The following GNA15 variants were observed in gnomAD, a reference collection of about 807,000 sequenced individuals.
GNA15 encodes the protein guanine nucleotide-binding protein subunit alpha-15.
GNA15 carries 23 observed loss-of-function variants against 40.1 expected under a neutral mutation model. The observed-to-expected ratio is 0.57, with a 90% CI of 0.41 to 0.81. The LOEUF (loss-of-function observed/expected upper bound fraction) is 0.81. GNA15 is among the 40% of genes least tolerant of loss of function. The pLI is 0.00. For missense variants in GNA15, 522 were observed against 515.8 expected, an observed-to-expected ratio of 1.01 and a Z score of -0.12; for synonymous variants, 226 against 210.4, an observed-to-expected ratio of 1.07 and a Z score of -0.64.
chr19:3,157,598 C>T, intron 5 of GNA15, 130 bp from the exon 6 acceptor site: 1 of 748,674 alleles, frequency 1.3e-6, no homozygotes, highest in Non-Finnish European at 2.2e-6. Context: ...GGCACACCCG[C>T]CTCAGCCCCA....
At chr19:3,162,739 C>T (rs552909783) in intron 6 of GNA15, 54 bp from the exon 7 acceptor site, 19 of 1,232,310 alleles carry the variant, frequency 1.5e-5, no homozygotes, top group Non-Finnish European at 2.3e-5. Flanking sequence ...CTCCAGAGGC[C>T]CCCTGGGTCC....
chr19:3,136,610 G>A lies in GNA15; in HGVS notation c.145+15G>A, dbSNP rs1201617137. On this transcript the variant is annotated intron_variant, in intron 1 of 6. Transcript: ENST00000262958. This position sits in a 1 kb window ranked among gnomAD's most constrained non-coding sequence, Gnocchi z 4.9. ...GCTGCTTTTGGGTGAGTCCAGGGTC[G>A]GTGGGCGGTGGGTGGTGGGCAGTGG... is the stretch of plus-strand genomic sequence containing the variant. The A allele has an allele frequency of 8.4e-6, 13 of 1,546,974 alleles. No individual in the cohort carries two copies. Among genetic ancestry groups the A allele is most frequent in the South Asian group, 2.4e-5 (2 of 83,894 alleles).
At chr19:3,143,571 G>A (rs926075563) in intron 1 of GNA15, among the ~76,000 whole-genome samples, 4 of 152,058 alleles carry the variant, frequency 2.6e-5, no homozygotes, top group African/African-American at 7.2e-5. Context: ...AGAATCGCTT[G>A]AAACCCATGA....
intron 5 of GNA15, among the ~76,000 whole-genome samples, chr19:3,156,384 A>G (rs1476405958): frequency 1.3e-5 from 2 of 151,698 alleles, no homozygotes; most frequent in Admixed American, 1.3e-4. Context: ...ACTCACGTGC[A>G]CAATACACGC....
intron 6 of GNA15, among the ~76,000 whole-genome samples, chr19:3,158,140 T>G (rs1915071922): frequency 6.6e-6 from 1 of 152,146 alleles, no homozygotes; most frequent in African/African-American, 2.4e-5. Context: ...CACGTACACC[T>G]TAAACATTTT....
At position 3,162,590 on chromosome 19, in the gene GNA15, G is replaced by C. The variant is rs1915163557; in HGVS notation, c.899-203G>C. On this transcript the variant is annotated intron_variant, in intron 6 of 6. Transcript: ENST00000262958. ...GTCCATTTCAGGTCACATGACTCGTGTGAGACAATCTCCTGTGTTCCCATT... is the reference window on the plus strand; with the variant it reads ...GTCCATTTCAGGTCACATGACTCGTCTGAGACAATCTCCTGTGTTCCCATT... Among the ~76,000 whole-genome samples the C allele has an allele frequency of 2.6e-5, 4 of 152,210 alleles. No homozygotes were observed. In the South Asian group the frequency reaches 6.2e-4, roughly 24 times the overall value.
In GNA15 at chr19:3,155,944, A is replaced by C. The variant is rs1443850109; in HGVS notation, c.736A>C (p.Asn246His). The C allele has an allele frequency of 6.2e-7, 1 of 1,613,550 alleles. No individual in the cohort carries two copies. Among genetic ancestry groups the C allele is most frequent in the African/African-American group, 1.3e-5 (1 of 74,854 alleles). The change falls in exon 5 of 7, where the codon AAC becomes CAC. Residue 246 changes from asparagine to histidine, a missense_variant. Asn to His is a moderately conservative substitution (Grantham distance 68). Coordinates refer to ENST00000262958, the MANE Select transcript of GNA15 (RefSeq NM_002068.4). The surrounding 1 kb of genome is among the most constrained non-coding windows in gnomAD (Gnocchi z 5.6). Reference sequence around the variant, plus strand: ...ATACGACCAGTGCCTGGAGGAGAACAACCAGGAGGTGCGCCACCGCCTCCC... The same window carrying C: ...ATACGACCAGTGCCTGGAGGAGAACCACCAGGAGGTGCGCCACCGCCTCCC... ...SEYDQCLEEN[N>H]QENRMKESLA...
intron 6 of GNA15, among the ~76,000 whole-genome samples, chr19:3,161,645 T>C (rs1167954996): frequency 6.6e-6 from 1 of 152,168 alleles, no homozygotes; most frequent in Non-Finnish European, 1.5e-5. Flanking sequence ...ATAAGGTAGA[T>C]ATTTTTTTCA....
In GNA15 at chr19:3,148,624, A is replaced by G. The variant is rs1914791565; in HGVS notation, c.179A>G (p.Lys60Arg). 3.8e-6 allele frequency: 6 copies of G among 1,587,262 alleles called. No homozygotes were observed. The highest frequency in any genetic ancestry group is 5.1e-6 in the Non-Finnish European group (6 of 1,166,574). The change falls in exon 2 of 7, where the codon AAG becomes AGG. Residue 60 changes from lysine (K) to arginine (R), a missense_variant. Physicochemically the swap from Lys to Arg is conservative, Grantham distance 26. Transcript: ENST00000262958. The stretch of plus-strand genomic sequence containing the variant: ...GAGAGCGGGAAGAGCACCTTCATCA[A>G]GCAGATGCGGATCATCCACGGCGCC... ...PGESGKSTFI[K>R]QMRIIHGAGY...
chr19:3,146,172 C>A (rs767329398), intron 1 of GNA15, among the ~76,000 whole-genome samples: 2 of 152,174 alleles, frequency 1.3e-5, no homozygotes, highest in Non-Finnish European at 2.9e-5. Flanking sequence ...CCTCTGCACG[C>A]CAACCCTGGA....
intron 1 of GNA15, among the ~76,000 whole-genome samples, chr19:3,147,743 C>T (rs1232511771): frequency 3.3e-5 from 5 of 150,872 alleles, no homozygotes; most frequent in African/African-American, 1.2e-4. Context: ...AAAAATTAGC[C>T]GGGCGTGGTG....
intron 1 of GNA15, among the ~76,000 whole-genome samples, chr19:3,139,317 T>C (rs1052105123): frequency 1.3e-5 from 2 of 152,096 alleles, no homozygotes; most frequent in Non-Finnish European, 2.9e-5. Context: ...CAGGGCATAG[T>C]GGTTCATTCC....
chr19:3,157,428 C>T (rs1915054499), intron 5 of GNA15, among the ~76,000 whole-genome samples: 6 of 152,170 alleles, frequency 3.9e-5, no homozygotes. Context: ...TGCCTATAAC[C>T]CCAGCACGCT....
chr19:3,159,509 C>T (rs989141219), intron 6 of GNA15, among the ~76,000 whole-genome samples: 11 of 151,858 alleles, frequency 7.2e-5, no homozygotes, highest in Non-Finnish European at 1.5e-4. Context: ...ACCACCCCGG[C>T]TAATTTTGTG....
chr19:3,152,597 C>T (rs1204333835), intron 4 of GNA15, among the ~76,000 whole-genome samples: 1 of 152,018 alleles, frequency 6.6e-6, no homozygotes. Context: ...GAGCAATGGC[C>T]AATGTCAAAG....
chr19:3,143,449 C>T (rs369569454), intron 1 of GNA15, among the ~76,000 whole-genome samples: 9 of 151,914 alleles, frequency 5.9e-5, no homozygotes, highest in South Asian at 4.2e-4. Flanking sequence ...GCCAGGAGTT[C>T]GAGACCAGCC....
In GNA15 at chr19:3,157,739, G is replaced by A. The variant is rs748433885; in HGVS notation, c.756G>A (p.Lys252=). The change falls in exon 6 of 7, where the codon AAG becomes AAA. Residue 252 remains lysine, a synonymous_variant. Coordinates refer to ENST00000262958, the MANE Select transcript of GNA15 (RefSeq NM_002068.4). ...TGCCCCCAACACAGAACCGCATGAA[G>A]GAGAGCCTCGCATTGTTTGGGACTA... ...LEENNQENRM[K]ESLALFGTIL... 40 of 1,614,030 alleles carry A rather than the reference G, an allele frequency of 2.5e-5. No homozygotes were observed. Among genetic ancestry groups the A allele is most frequent in the Non-Finnish European group, 3.4e-5 (40 of 1,179,906 alleles).
chr19:3,141,713 A>T (rs1185338210), intron 1 of GNA15: 1 of 152,372 alleles, frequency 6.6e-6, no homozygotes, highest in African/African-American at 2.4e-5. Flanking sequence ...TAGCACTTTG[A>T]GGCAGGCACT....
rs1402000304 is a variant in GNA15 at position 3,151,416 on chromosome 19, C to T, written c.486-291C>T. Among the ~76,000 whole-genome samples the T allele has an allele frequency of 6.6e-6, 1 of 152,084 alleles. No homozygotes were observed. Among genetic ancestry groups the T allele is most frequent in the Non-Finnish European group, 1.5e-5 (1 of 67,982 alleles). Reference sequence around the variant, plus strand: ...CAGGCTACCAGCATTCTTGGGGTAGCGCCACCCCTGCCATAGCAGCTCTCC... The same window carrying T: ...CAGGCTACCAGCATTCTTGGGGTAGTGCCACCCCTGCCATAGCAGCTCTCC... On this transcript the variant is annotated intron_variant, in intron 3 of 6. Transcript: ENST00000262958. This position sits in a 1 kb window ranked among gnomAD's most constrained non-coding sequence, Gnocchi z 5.0.
Sources: gnomAD v4.1 joint callset for allele counts (sites outside exome capture counted in the v4.1 genomes callset) on GRCh38, gnomAD v4.1.1 for gene constraint, Gnocchi (gnomAD v3.1) non-coding constraint, MANE v1.5 for transcripts, NCBI Gene and HGNC (gene_info 2026-07-23, HGNC 2026-07-21) for gene names.